GRM7: variants seen among roughly 807,000 people sequenced by gnomAD.
The protein encoded by GRM7 is metabotropic glutamate receptor 7.
In GRM7, 35 loss-of-function variants were observed where a neutral mutation model predicts 84.5. That is an observed-to-expected ratio of 0.41 (90% CI 0.32 to 0.55). GRM7 has a LOEUF of 0.55. GRM7 is among the 20% of genes least tolerant of loss of function. GRM7 has a pLI of 0.19. For synonymous variants in GRM7, 487 were observed against 455.1 expected (o/e 1.07, Z -0.89); for missense variants, 1,003 against 1,194.6 (o/e 0.84, Z 2.36).
At chr3:7,323,074 CTG>C (rs1312754951) in intron 4 of GRM7, among the ~76,000 whole-genome samples, 1 of 152,026 alleles carries the variant, frequency 6.6e-6, no homozygotes, top group Non-Finnish European at 1.5e-5. Context: ...ACGGTGATCT[CTG>C]GAGCATGAAT....
chr3:7,331,379 G>A (rs561865582), intron 4 of GRM7, among the ~76,000 whole-genome samples: 4 of 152,266 alleles, frequency 2.6e-5, no homozygotes, highest in African/African-American at 7.2e-5. Context: ...TCCTTGAAGA[G>A]CAGAATTAAA....
chr3:6,963,139 G>A (rs1413541627), intron 1 of GRM7, among the ~76,000 whole-genome samples: 1 of 152,324 alleles, frequency 6.6e-6, no homozygotes, highest in African/African-American at 2.4e-5. Context: ...CAGGTGGCCA[G>A]TGTTCTGCAA....
chr3:7,546,865 C>G (rs1182323041), intron 7 of GRM7, among the ~76,000 whole-genome samples: 1 of 152,210 alleles, frequency 6.6e-6, no homozygotes, highest in Non-Finnish European at 1.5e-5. Context: ...CATTAATTAT[C>G]TGCATGTAAA....
In GRM7 at chr3:7,594,385, C is replaced by T. The variant is rs187349428; in HGVS notation, c.2451+15028C>T. On this transcript the variant is annotated intron_variant, in intron 8 of 9. Coordinates refer to ENST00000357716, the MANE Select transcript of GRM7 (RefSeq NM_000844.4). ...AAGAATGCCACCCCATGGAGTTGTA[C>T]GGTGTGTTGCCTGCATAACTGCACC... Among the ~76,000 whole-genome samples, 262 of 152,214 alleles carry T rather than the reference C, an allele frequency of 1.7e-3. 1 individual carries two copies. The highest frequency in any genetic ancestry group is 3.4e-3 in the Admixed American group (52 of 15,274).
chr3:7,067,728 C>A (rs574129163), intron 1 of GRM7, among the ~76,000 whole-genome samples: 1 of 151,860 alleles, frequency 6.6e-6, no homozygotes, highest in Admixed American at 6.6e-5. Flanking sequence ...AGAATTTAGT[C>A]GTAAGGGTCA....
At chr3:7,253,371 T>C (rs1324236028) in intron 2 of GRM7, among the ~76,000 whole-genome samples, 1 of 152,114 alleles carries the variant, frequency 6.6e-6, no homozygotes, top group Non-Finnish European at 1.5e-5. Flanking sequence ...TCCCAGCAGT[T>C]TGGGAGGCTG....
chr3:7,286,860 C>T (rs1221678619), intron 2 of GRM7, among the ~76,000 whole-genome samples: 2 of 152,154 alleles, frequency 1.3e-5, no homozygotes, highest in Non-Finnish European at 2.9e-5. Context: ...ATTATCAAAA[C>T]ACAATATCAT....
intron 7 of GRM7, among the ~76,000 whole-genome samples, chr3:7,536,695 C>T (rs576365921): frequency 6.6e-6 from 1 of 152,284 alleles, no homozygotes; most frequent in Non-Finnish European, 1.5e-5. Context: ...TGCACAGGCT[C>T]ATTTGGCTCA....
At chr3:7,240,951 C>T (rs1167287973) in intron 2 of GRM7, among the ~76,000 whole-genome samples, 1 of 152,082 alleles carries the variant, frequency 6.6e-6, no homozygotes, top group Non-Finnish European at 1.5e-5. Flanking sequence ...AGGTTTGTAG[C>T]CTAGGAGCAA....
At chr3:7,174,889 C>G (rs1159986905) in intron 2 of GRM7, among the ~76,000 whole-genome samples, 1 of 152,158 alleles carries the variant, frequency 6.6e-6, no homozygotes, top group East Asian at 1.9e-4. Context: ...GTGACATACT[C>G]TAAGCTTTAA....
chr3:7,323,171 C>T (rs1559235190), intron 4 of GRM7, among the ~76,000 whole-genome samples: 1 of 152,092 alleles, frequency 6.6e-6, no homozygotes, highest in Non-Finnish European at 1.5e-5. Flanking sequence ...CAGGCTGTCT[C>T]TAGGAATGAG....
chr3:6,864,175 T>C (rs1694862969), intron 1 of GRM7, among the ~76,000 whole-genome samples: 1 of 152,134 alleles, frequency 6.6e-6, no homozygotes, highest in Admixed American at 6.5e-5. Flanking sequence ...TTGGATTGAA[T>C]AGCTGAGGGA....
At chr3:7,628,917 G>T (rs959749250) in intron 8 of GRM7, among the ~76,000 whole-genome samples, 1 of 152,118 alleles carries the variant, frequency 6.6e-6, no homozygotes, top group African/African-American at 2.4e-5. Context: ...GGCCTTAGGT[G>T]GTCCTCATTG....
chr3:7,409,593 GTT>G, intron 4 of GRM7, among the ~76,000 whole-genome samples: 1 of 151,066 alleles, frequency 6.6e-6, no homozygotes, highest in Non-Finnish European at 1.5e-5. Context: ...GTTTTGTTTT[GTT>G]TTGTTTTGTT....
chr3:6,884,877 C>T (rs1190368976), intron 1 of GRM7, among the ~76,000 whole-genome samples: 3 of 152,258 alleles, frequency 2.0e-5, no homozygotes, highest in Non-Finnish European at 4.4e-5. Context: ...GGATTACAGG[C>T]GTGAGCCACC....
intron 1 of GRM7, among the ~76,000 whole-genome samples, chr3:6,988,084 C>T (rs190768428): frequency 0.011 from 1,729 of 150,682 alleles, 39 homozygotes; most frequent in African/African-American, 0.04. Context: ...GCAAGCTCCG[C>T]CTCCTGGGTT....
chr3:7,093,554 G>A (rs1472344225), intron 1 of GRM7, among the ~76,000 whole-genome samples: 3 of 151,300 alleles, frequency 2.0e-5, no homozygotes, highest in Non-Finnish European at 4.4e-5. Context: ...ACGCATGCCT[G>A]TAATCCCACC....
At chr3:7,048,800 G>A (rs771226681) in intron 1 of GRM7, among the ~76,000 whole-genome samples, 1 of 151,888 alleles carries the variant, frequency 6.6e-6, no homozygotes, top group Non-Finnish European at 1.5e-5. Context: ...TCACCATGCT[G>A]TACAATAGAT....
At chr3:7,503,358 T>A (rs1699940423) in intron 7 of GRM7, among the ~76,000 whole-genome samples, 1 of 151,994 alleles carries the variant, frequency 6.6e-6, no homozygotes. Context: ...ACAGTGACCT[T>A]TCCACCAAGA....
Sources: gnomAD v4.1 joint callset for allele counts (sites outside exome capture counted in the v4.1 genomes callset) on GRCh38, gnomAD v4.1.1 for gene constraint, MANE v1.5 for transcripts, NCBI Gene and HGNC (gene_info 2026-07-23, HGNC 2026-07-21) for gene names.